The following MYH15 variants were observed in gnomAD, a reference collection of about 807,000 sequenced individuals.
The protein encoded by MYH15 is myosin-15.
In MYH15, 227 loss-of-function variants were observed where a neutral mutation model predicts 240.5. The observed-to-expected ratio is 0.94, with a 90% CI of 0.85 to 1.05. The LOEUF is 1.05. Among genes scored for constraint, MYH15 ranks in the 50% least tolerant of loss-of-function variants. The pLI is 0.00. For synonymous variants in MYH15, 785 were observed against 796.7 expected, an observed-to-expected ratio of 0.99 and a Z score of 0.25; for missense variants, 2,217 against 2,247.5, an observed-to-expected ratio of 0.99 and a Z score of 0.27.
Position 108,472,062 on chromosome 3 carries a change from T to C in MYH15, c.1234-1215A>G, listed in dbSNP as rs576984543. Among the ~76,000 whole-genome samples the C allele has an allele frequency of 1.5e-4, 23 of 152,310 alleles. No homozygotes were observed. The South Asian group carries it at 4.3e-3, about 29-fold the overall frequency. ...TGCTCTCAACAACCTGGACAGAGAA[T>C]AGCCATTTGTGAATCATTCTGACTC... On this transcript the variant is annotated intron_variant, in intron 12 of 40. Transcript: ENST00000693548.
chr3:108,550,124 TA>T, the MYH15 span: 1 of 151,854 alleles, frequency 6.6e-6, no homozygotes. Flanking sequence ...GGTATAGCAA[TA>T]AAATCAATCA....
rs61745216 is a variant in MYH15, at chr3:108,389,002, G to A, written c.5503C>T (p.Leu1835Phe). ...GTCAGCTCTTTGATGCATCGCTCAAGTCTGCGGGCTCCCCTCTGGGCCTCT... is the reference window on the plus strand; with the variant it reads ...GTCAGCTCTTTGATGCATCGCTCAAATCTGCGGGCTCCCCTCTGGGCCTCT... Reference protein sequence around the residue: ...SAEAQRGARRLERCIKELTYQ... With the variant: ...SAEAQRGARRFERCIKELTYQ... Residue 1835 changes from leucine (L) to phenylalanine (F), a missense_variant, in exon 38 of 41, where the codon CTT (leucine) becomes TTT (phenylalanine). Physicochemically the swap from Leu to Phe is conservative, Grantham distance 22 (BLOSUM62 0). Transcript: ENST00000693548. 2,177 of 1,613,804 alleles carry A rather than the reference G, an allele frequency of 1.3e-3. 20 individuals are homozygous for A. The African/African-American group carries it at 0.025, about 18-fold the overall frequency.
chr3:108,546,386 A>G, the MYH15 span, among the ~76,000 whole-genome samples: 1 of 152,200 alleles, frequency 6.6e-6, no homozygotes, highest in African/African-American at 2.4e-5. Flanking sequence ...GATACTTAGA[A>G]TAACAGTGAA....
At chr3:108,411,550 C>T (rs1307520603) in intron 30 of MYH15, among the ~76,000 whole-genome samples, 2 of 152,160 alleles carry the variant, frequency 1.3e-5, no homozygotes, top group African/African-American at 4.8e-5. Context: ...TTTTAGCCCC[C>T]ATCTGCTGTT....
At chr3:108,431,553 G>GT (rs2107562183) in intron 25 of MYH15, among the ~76,000 whole-genome samples, 1 of 152,302 alleles carries the variant, frequency 6.6e-6, no homozygotes, top group South Asian at 2.1e-4. Flanking sequence ...ACATGGAACT[G>GT]TAAGTCTGTT....
chr3:108,548,314 CATA>C, the MYH15 span, among the ~76,000 whole-genome samples: 1 of 152,090 alleles, frequency 6.6e-6, no homozygotes, highest in East Asian at 1.9e-4. Context: ...CAACAGAAAA[CATA>C]ATAAGGACTA....
intron 1 of MYH15, among the ~76,000 whole-genome samples, chr3:108,507,210 C>T (rs545031235): frequency 9.0e-6 from 1 of 110,650 alleles, no homozygotes; most frequent in Non-Finnish European, 1.9e-5. Context: ...TCATACTTTC[C>T]TTTTAAAGGA....
chr3:108,498,482 A>T (rs1453838350), intron 5 of MYH15, among the ~76,000 whole-genome samples: 1 of 152,042 alleles, frequency 6.6e-6, no homozygotes, highest in Non-Finnish European at 1.5e-5. Flanking sequence ...TGTTCAAGAG[A>T]TTTTCATGTA....
chr3:108,410,848 C>T lies in MYH15; in HGVS notation c.4230G>A (p.Arg1410=), dbSNP rs201280917. Residue 1410 remains arginine (R), a synonymous_variant, in exon 31 of 41, where the codon AGG becomes AGA. Coordinates refer to ENST00000693548, the MANE Select transcript of MYH15 (RefSeq NM_014981.3). ...CCCCGAGCTCCAGCTGCAGCTGGTG[C>T]CTGGCTCTCTCCAAGGAGGCATTTC... ...NARNASLERA[R]HQLQLELGDA... is the part of the protein sequence containing the mutation. 6.2e-7 allele frequency: 1 copy of T among 1,613,986 alleles called. No individual in the cohort carries two copies. Among genetic ancestry groups the T allele is most frequent in the African/African-American group, 1.3e-5 (1 of 75,066 alleles).
chr3:108,391,866 C>G lies in MYH15; in HGVS notation c.5324G>C (p.Arg1775Thr), dbSNP rs553524264. ...QDTIAHLERT[R>T]ENMEQTITDL... is the part of the protein sequence containing the mutation. ...TGTAATTGTCTGCTCCATATTTTCT[C>G]TTGTCCTTTCCAAGTGGGCAATGGT... The change falls in exon 37 of 41, where the codon AGA becomes ACA. Residue 1775 changes from arginine to threonine, a missense_variant. Transcript: ENST00000693548. 1.1e-4 allele frequency: 171 copies of G among 1,614,160 alleles called. No individual in the cohort carries two copies. The South Asian group carries it at 1.7e-3, about 16-fold the overall frequency.
intron 6 of MYH15, among the ~76,000 whole-genome samples, chr3:108,496,407 G>C (rs192672993): frequency 1.2e-3 from 178 of 152,300 alleles, no homozygotes; most frequent in African/African-American, 3.9e-3. Context: ...TGCTCAGGCT[G>C]ATAGGCAAAA....
At chr3:108,428,272 C>T (rs2082742366) in intron 27 of MYH15, among the ~76,000 whole-genome samples, 2 of 152,214 alleles carry the variant, frequency 1.3e-5, no homozygotes, top group Non-Finnish European at 2.9e-5. Context: ...TCTGTTAAAA[C>T]CAGAGGCCAC....
chr3:108,463,317 A>AC (rs1281078107), intron 15 of MYH15, 74 bp from the exon 16 acceptor site: 8 of 1,450,736 alleles, frequency 5.5e-6, no homozygotes, highest in Middle Eastern at 2.1e-4. Context: ...GCTGTGCATT[A>AC]CCCCTTTTTT....
At chr3:108,503,080 A>T (rs758370785) in intron 2 of MYH15, among the ~76,000 whole-genome samples, 2 of 152,174 alleles carry the variant, frequency 1.3e-5, no homozygotes, top group Non-Finnish European at 2.9e-5. Flanking sequence ...CACTTCTAAC[A>T]TGAGGAAGAG....
chr3:108,525,038 T>C (rs758084234), intron 1 of MYH15, among the ~76,000 whole-genome samples: 3 of 152,054 alleles, frequency 2.0e-5, no homozygotes, highest in Non-Finnish European at 2.9e-5. Context: ...AATTACATAG[T>C]TACACCTAGT....
chr3:108,398,550 T>G, intron 35 of MYH15, 87 bp downstream of exon 35: 1 of 1,276,768 alleles, frequency 7.8e-7, no homozygotes, highest in Non-Finnish European at 1.1e-6. Context: ...ACAGGGCGAC[T>G]GTGCATGGTC....
chr3:108,523,189 A>G (rs1343818287), intron 1 of MYH15, among the ~76,000 whole-genome samples: 2 of 152,100 alleles, frequency 1.3e-5, no homozygotes, highest in African/African-American at 4.8e-5. Context: ...TATGCATAAT[A>G]AAAGTTCCAA....
rs780739948 is a variant in MYH15 at position 108,399,193 on chromosome 3, G to A, written c.4811C>T (p.Thr1604Ile). The change falls in exon 34 of 41, where the codon ACC becomes ATC. Residue 1604 changes from threonine to isoleucine, a missense_variant. Coordinates refer to ENST00000693548, the MANE Select transcript of MYH15 (RefSeq NM_014981.3). The stretch of plus-strand genomic sequence containing the variant: ...CTCTTCCATCTTCTTCTTCAGCCGG[G>A]TAACCTCAATTCTGCTCTTAGCTTC... ...DSEAKSRIEV[T>I]RLKKKMEEDL... 12 of 1,614,040 alleles carry A rather than the reference G, an allele frequency of 7.4e-6. No homozygotes were observed. The highest frequency in any genetic ancestry group is 3.3e-5 in the Admixed American group (2 of 60,002).
intron 27 of MYH15, among the ~76,000 whole-genome samples, chr3:108,423,889 T>A (rs1476246721): frequency 6.6e-6 from 1 of 152,264 alleles, no homozygotes; most frequent in Admixed American, 6.5e-5. Flanking sequence ...CTTGATGTCC[T>A]AGGTGGCCCA....
Sources: gnomAD v4.1 joint callset for allele counts (sites outside exome capture counted in the v4.1 genomes callset) on GRCh38, gnomAD v4.1.1 for gene constraint, MANE v1.5 for transcripts, NCBI Gene and HGNC (gene_info 2026-07-23, HGNC 2026-07-21) for gene names.